PXDNL: variants seen among roughly 807,000 people sequenced by gnomAD.
The protein encoded by PXDNL is probable oxidoreductase PXDNL.
A neutral mutation model predicts 150.8 loss-of-function variants in PXDNL; 145 were observed. The observed-to-expected ratio is 0.96, with a 90% CI of 0.84 to 1.10. The LOEUF is 1.10. Among genes scored for constraint, PXDNL ranks in the 50% least tolerant of loss-of-function variants. The pLI, the probability that PXDNL is intolerant of heterozygous loss-of-function variation, is 0.00. For synonymous variants in PXDNL, 757 were observed against 725.7 expected (o/e 1.04, Z -0.69); for missense variants, 2,087 against 1,873.9 (o/e 1.11, Z -2.10).
intron 12 of PXDNL, 67 bp from the exon 13 acceptor site, chr8:51,426,825 G>T: frequency 1.1e-6 from 1 of 918,838 alleles, no homozygotes; most frequent in Non-Finnish European, 1.7e-6. Flanking sequence ...TGCCAGCTGA[G>T]TCAAAGGTAT....
At chr8:51,429,345 C>T (rs898112864) in intron 12 of PXDNL, among the ~76,000 whole-genome samples, 2 of 152,092 alleles carry the variant, frequency 1.3e-5, no homozygotes, top group African/African-American at 4.8e-5. Context: ...TTTGTGAGGC[C>T]GAGGTTGACG....
chr8:51,651,772 G>A (rs950328538), intron 2 of PXDNL, among the ~76,000 whole-genome samples: 1 of 152,064 alleles, frequency 6.6e-6, no homozygotes, highest in African/African-American at 2.4e-5. Flanking sequence ...TTGAATTTGA[G>A]CCTGTTTCCC....
At chr8:51,754,183 A>G (rs2037074123) in intron 1 of PXDNL, among the ~76,000 whole-genome samples, 1 of 152,340 alleles carries the variant, frequency 6.6e-6, no homozygotes, top group South Asian at 2.1e-4. Flanking sequence ...CTTACTTCAC[A>G]TATGTGGAGG....
At chr8:51,549,366 G>A (rs1432186916) in intron 4 of PXDNL, among the ~76,000 whole-genome samples, 3 of 151,968 alleles carry the variant, frequency 2.0e-5, no homozygotes, top group African/African-American at 7.2e-5. Context: ...CGCAATAACT[G>A]AAGAACATAT....
intron 1 of PXDNL, among the ~76,000 whole-genome samples, chr8:51,760,117 T>A (rs530661870): frequency 6.6e-6 from 1 of 152,338 alleles, no homozygotes; most frequent in Non-Finnish European, 1.5e-5. Context: ...ATGTTAAAAC[T>A]CGGAAGTCCA....
chr8:51,375,854 A>G (rs1194668832), intron 17 of PXDNL, among the ~76,000 whole-genome samples: 1 of 152,184 alleles, frequency 6.6e-6, no homozygotes, highest in Non-Finnish European at 1.5e-5. Flanking sequence ...TGTTGCAACT[A>G]CCCAACTCCT....
intron 1 of PXDNL, among the ~76,000 whole-genome samples, chr8:51,708,301 G>C (rs573778469): frequency 1.2e-4 from 18 of 152,312 alleles, no homozygotes; most frequent in Admixed American, 5.2e-4. Flanking sequence ...CCCTGGATCT[G>C]GCCTGTCAAC....
intron 1 of PXDNL, among the ~76,000 whole-genome samples, chr8:51,761,635 AG>A (rs1296002010): frequency 1.3e-5 from 2 of 152,346 alleles, no homozygotes; most frequent in African/African-American, 4.8e-5. Context: ...AATTTAAACC[AG>A]GGTTTTCTGG....
chr8:51,628,345 C>CTTTA (rs1261818587), intron 2 of PXDNL, among the ~76,000 whole-genome samples: 1 of 143,324 alleles, frequency 7.0e-6, no homozygotes, highest in East Asian at 2.1e-4. Context: ...TTATTTCTTT[C>CTTTA]TTTCTTTCTT....
intron 17 of PXDNL, among the ~76,000 whole-genome samples, chr8:51,381,510 G>GC (rs1164724126): frequency 1.3e-5 from 2 of 152,114 alleles, no homozygotes; most frequent in Admixed American, 6.5e-5. Flanking sequence ...GGGAAGTACT[G>GC]CCCCCCAGTA....
intron 3 of PXDNL, 85 bp from the exon 4 acceptor site, chr8:51,556,996 G>A (rs1246656104): frequency 1.3e-6 from 1 of 759,644 alleles, no homozygotes; most frequent in South Asian, 1.6e-5. Context: ...ACTATAAGCT[G>A]TGGACCTTAG....
At chr8:51,682,982 G>A (rs905397955) in intron 1 of PXDNL, among the ~76,000 whole-genome samples, 5 of 151,556 alleles carry the variant, frequency 3.3e-5, no homozygotes, top group Non-Finnish European at 5.9e-5. Flanking sequence ...TCGAGATCCT[G>A]ATTTCAATCA....
chr8:51,603,599 A>T (rs1813775229), intron 2 of PXDNL, among the ~76,000 whole-genome samples: 1 of 151,926 alleles, frequency 6.6e-6, no homozygotes, highest in East Asian at 1.9e-4. Flanking sequence ...ATTGTTTTTA[A>T]CCATTTCTAA....
At chr8:51,444,415 T>C (rs1367713330) in intron 12 of PXDNL, among the ~76,000 whole-genome samples, 1 of 152,128 alleles carries the variant, frequency 6.6e-6, no homozygotes, top group African/African-American at 2.4e-5. Flanking sequence ...ACACAAAATG[T>C]GGAGGTTCCC....
At chr8:51,365,528 C>A (rs1344155335) in intron 19 of PXDNL, among the ~76,000 whole-genome samples, 1 of 152,166 alleles carries the variant, frequency 6.6e-6, no homozygotes. Flanking sequence ...ACTCCAAGCT[C>A]TTGGTATTAT....
chr8:51,786,086 C>T (rs1175304837), intron 1 of PXDNL, among the ~76,000 whole-genome samples: 1 of 152,162 alleles, frequency 6.6e-6, no homozygotes, highest in Non-Finnish European at 1.5e-5. Flanking sequence ...CAACTATCTA[C>T]AGGAAAAAAG....
intron 17 of PXDNL, among the ~76,000 whole-genome samples, chr8:51,397,234 A>G (rs928681975): frequency 6.6e-6 from 1 of 152,226 alleles, no homozygotes; most frequent in African/African-American, 2.4e-5. Context: ...CTTAGCTAGA[A>G]ATGGGTTTTG....
intron 2 of PXDNL, among the ~76,000 whole-genome samples, chr8:51,605,683 C>T (rs955969366): frequency 6.6e-6 from 1 of 152,002 alleles, no homozygotes; most frequent in Non-Finnish European, 1.5e-5. Flanking sequence ...GAATGTGTCC[C>T]CCAAAAGTTC....
At chr8:51,571,977 G>A (rs1294735879) in intron 3 of PXDNL, among the ~76,000 whole-genome samples, 1 of 151,796 alleles carries the variant, frequency 6.6e-6, no homozygotes, top group African/African-American at 2.4e-5. Context: ...CTTTATGACA[G>A]TGCAATAGCC....
Sources: gnomAD v4.1 joint callset for allele counts (sites outside exome capture counted in the v4.1 genomes callset) on GRCh38, gnomAD v4.1.1 for gene constraint, MANE v1.5 for transcripts, NCBI Gene and HGNC (gene_info 2026-07-23, HGNC 2026-07-21) for gene names.